Variants in OSBPL10 observed in about 807,000 individuals in gnomAD.
The protein encoded by OSBPL10 is oxysterol-binding protein-related protein 10.
Under a neutral mutation model 81.7 loss-of-function variants are expected in OSBPL10, and 49 were observed. That is an observed-to-expected ratio of 0.60 (90% confidence interval 0.48 to 0.76). OSBPL10 has a LOEUF of 0.76. Ranked by LOEUF, OSBPL10 falls within the 30% of genes least tolerant of loss-of-function variation. The pLI is 0.00. For synonymous variants in OSBPL10, 419 were observed against 383.6 expected, an observed-to-expected ratio of 1.09 and a Z score of -1.08; for missense variants, 923 against 987.8, an observed-to-expected ratio of 0.93 and a Z score of 0.88.
chr3:31,984,653 C>T (rs1309456605), upstream of OSBPL10, among the ~76,000 whole-genome samples: 1 of 152,140 alleles, frequency 6.6e-6, no homozygotes, highest in African/African-American at 2.4e-5. Flanking sequence ...GGCAGATTAT[C>T]ATTTAACTAT....
chr3:31,994,340 C>T (rs990573351), intron 2 of OSBPL10, among the ~76,000 whole-genome samples: 5 of 152,130 alleles, frequency 3.3e-5, no homozygotes, highest in African/African-American at 1.2e-4. Context: ...CTCCAGGCCT[C>T]ATAGAAACTC....
chr3:31,792,447 C>G (rs945948002), intron 4 of OSBPL10, among the ~76,000 whole-genome samples: 7 of 152,156 alleles, frequency 4.6e-5, no homozygotes, highest in Non-Finnish European at 8.8e-5. Context: ...TTCCCCCTCT[C>G]CCACTCTCAA....
chr3:32,071,509 T>C (rs2125449835), intron 1 of OSBPL10, among the ~76,000 whole-genome samples: 1 of 152,352 alleles, frequency 6.6e-6, no homozygotes, highest in Admixed American at 6.5e-5. Flanking sequence ...GCAGTCGGAA[T>C]TCTTACAGAA....
At chr3:31,688,926 G>T (rs1041385494) in intron 7 of OSBPL10, among the ~76,000 whole-genome samples, 1 of 152,164 alleles carries the variant, frequency 6.6e-6, no homozygotes, top group Non-Finnish European at 1.5e-5. Flanking sequence ...CACCTTTGGG[G>T]CCAAAAAGAA....
chr3:32,003,926 C>T (rs1255410101), intron 2 of OSBPL10, among the ~76,000 whole-genome samples: 1 of 152,086 alleles, frequency 6.6e-6, no homozygotes, highest in Non-Finnish European at 1.5e-5. Context: ...GACTTGTTCA[C>T]CCTGGCACAG....
chr3:31,734,361 T>A (rs1157681814), intron 5 of OSBPL10, among the ~76,000 whole-genome samples: 2 of 152,166 alleles, frequency 1.3e-5, no homozygotes, highest in African/African-American at 4.8e-5. Flanking sequence ...TATATTATTG[T>A]AGAACATTTT....
At chr3:31,848,462 A>G (rs773655201) in intron 3 of OSBPL10, among the ~76,000 whole-genome samples, 2 of 152,060 alleles carry the variant, frequency 1.3e-5, no homozygotes, top group Non-Finnish European at 2.9e-5. Context: ...AGTTCCACCC[A>G]GTGACTTTTT....
upstream of OSBPL10, among the ~76,000 whole-genome samples, chr3:31,984,450 C>A (rs1698905621): frequency 6.6e-6 from 1 of 151,842 alleles, no homozygotes; most frequent in African/African-American, 2.4e-5. Flanking sequence ...AGTTTGTCTT[C>A]TTGCACTGAG....
At chr3:32,047,445 G>GA (rs1300020719) in intron 1 of OSBPL10, among the ~76,000 whole-genome samples, 1 of 152,156 alleles carries the variant, frequency 6.6e-6, no homozygotes, top group Non-Finnish European at 1.5e-5. Flanking sequence ...GGATTTCCTG[G>GA]AACTGAGGGG....
intron 4 of OSBPL10, among the ~76,000 whole-genome samples, chr3:31,815,226 T>C: frequency 6.7e-6 from 1 of 148,932 alleles, no homozygotes; most frequent in African/African-American, 2.5e-5. Context: ...CCTGGCTTGC[T>C]CTTCCCGCCC....
intron 5 of OSBPL10, among the ~76,000 whole-genome samples, chr3:31,738,739 C>T (rs1174227010): frequency 6.6e-6 from 1 of 152,132 alleles, no homozygotes; most frequent in African/African-American, 2.4e-5. Context: ...ACCCATGCAG[C>T]CGAGCTCCAC....
At chr3:31,935,937 T>C (rs1163298028) in intron 1 of OSBPL10, among the ~76,000 whole-genome samples, 1 of 152,214 alleles carries the variant, frequency 6.6e-6, no homozygotes, top group South Asian at 2.1e-4. Context: ...GGATCTGATA[T>C]GTTTTTACTT....
chr3:32,003,294 G>T (rs528579206), intron 2 of OSBPL10, among the ~76,000 whole-genome samples: 2 of 152,224 alleles, frequency 1.3e-5, no homozygotes, highest in Non-Finnish European at 2.9e-5. Context: ...AGTCATTAGC[G>T]TGGTCTTCCT....
intron 6 of OSBPL10, among the ~76,000 whole-genome samples, chr3:31,705,372 A>ACCCCCCCCCCC (rs3840254): frequency 1.5e-4 from 20 of 130,552 alleles, no homozygotes; most frequent in South Asian, 2.6e-4. Context: ...CAAAGAGAAG[A>ACCCCCCCCCCC]CCCCCCCCCC....
intron 1 of OSBPL10, among the ~76,000 whole-genome samples, chr3:31,899,270 A>T (rs886869054): frequency 6.6e-6 from 1 of 152,106 alleles, no homozygotes; most frequent in South Asian, 2.1e-4. Flanking sequence ...CTTAATATGG[A>T]TGGTAAAGTT....
Position 31,912,883 on chromosome 3 carries a change from A to G in OSBPL10, c.282-33053T>C, listed in dbSNP as rs374386145. The stretch of plus-strand genomic sequence containing the variant: ...AATCCATTTCCTTCTCTGCTGCTCA[A>G]GAAAGTACTGCAGAAGGTGAGCAAG... On this transcript the variant is annotated intron_variant, in intron 1 of 11. Coordinates refer to ENST00000396556, the MANE Select transcript of OSBPL10 (RefSeq NM_017784.5). 2.6e-5 allele frequency among the ~76,000 whole-genome samples: 4 copies of G among 152,298 alleles called. No individual in the cohort carries two copies. The East Asian group carries it at 5.8e-4, about 22-fold the overall frequency.
intron 2 of OSBPL10, among the ~76,000 whole-genome samples, chr3:31,987,630 G>C (rs1698952018): frequency 6.6e-6 from 1 of 152,140 alleles, no homozygotes; most frequent in African/African-American, 2.4e-5. Flanking sequence ...TAATCCACAG[G>C]GTCTCTCATC....
chr3:32,010,850 C>T (rs533370834), intron 2 of OSBPL10, among the ~76,000 whole-genome samples: 8 of 152,316 alleles, frequency 5.3e-5, no homozygotes, highest in African/African-American at 1.9e-4. Flanking sequence ...ATTGCTAGCA[C>T]AGCAGTCTGA....
In OSBPL10 at chr3:32,037,956, G is replaced by T. The variant is rs892576105; in HGVS notation, n.298+8535C>A. ...GATCTTAGAGAGAAAACACTGCTGT[G>T]AAATGTTTTTATATCAGAACAGAGA... is the stretch of plus-strand genomic sequence containing the variant. On this transcript the variant is annotated intron_variant and non_coding_transcript_variant, in intron 2 of 3. Coordinates refer to the OSBPL10 transcript ENST00000479173. Among the ~76,000 whole-genome samples, 3 of 152,226 alleles carry T rather than the reference G, an allele frequency of 2.0e-5. No homozygotes were observed. In the East Asian group the frequency reaches 5.8e-4, roughly 29 times the overall value.
Sources: allele counts gnomAD v4.1 joint callset (sites outside exome capture counted in the v4.1 genomes callset), GRCh38; gene constraint gnomAD v4.1.1; transcripts MANE v1.5; gene names NCBI Gene and HGNC (gene_info 2026-07-23, HGNC 2026-07-21).